ADAMTS17: variants seen among roughly 807,000 people sequenced by gnomAD.
ADAMTS17 encodes the protein ADAM metallopeptidase with thrombospondin type 1 motif 17.
ADAMTS17 carries 113 observed loss-of-function variants against 141.5 expected under a neutral mutation model. That is an observed-to-expected ratio of 0.80 (90% CI 0.69 to 0.93). The LOEUF is 0.93. Ranked by LOEUF, ADAMTS17 falls within the 40% of genes least tolerant of loss-of-function variation. The probability of loss-of-function intolerance (pLI) is 0.00; values close to 1 mark genes in which losing one functional copy is unlikely to be tolerated. For synonymous variants in ADAMTS17, 768 were observed against 630.6 expected, an observed-to-expected ratio of 1.22 and a Z score of -3.27; for missense variants, 1,659 against 1,517.9, an observed-to-expected ratio of 1.09 and a Z score of -1.54.
At chr15:100,020,429 C>G (rs1195907791) in intron 18 of ADAMTS17, among the ~76,000 whole-genome samples, 1 of 152,180 alleles carries the variant, frequency 6.6e-6, no homozygotes. Context: ...ACTGAGCTGG[C>G]TGCCTGGGGC....
At chr15:100,325,305 T>C (rs528293573) in intron 3 of ADAMTS17, among the ~76,000 whole-genome samples, 1 of 152,274 alleles carries the variant, frequency 6.6e-6, no homozygotes, top group Admixed American at 6.5e-5. Flanking sequence ...CCCCAGGACC[T>C]TAGAATGTGG....
intron 2 of ADAMTS17, among the ~76,000 whole-genome samples, chr15:100,335,588 T>C (rs1008140235): frequency 6.6e-6 from 1 of 152,236 alleles, no homozygotes; most frequent in Admixed American, 6.5e-5. Flanking sequence ...AGGTGCGTGA[T>C]AATGATCTGC....
intron 18 of ADAMTS17, among the ~76,000 whole-genome samples, chr15:100,032,152 ACG>A (rs1169016177): frequency 1.4e-4 from 21 of 152,220 alleles, no homozygotes; most frequent in African/African-American, 5.1e-4. Flanking sequence ...TGGGACACAG[ACG>A]CACCTCTCCT....
At chr15:100,242,687 G>A (rs931280634) in intron 7 of ADAMTS17, among the ~76,000 whole-genome samples, 1 of 152,184 alleles carries the variant, frequency 6.6e-6, no homozygotes, top group East Asian at 1.9e-4. Context: ...GAAGGCAGGA[G>A]GAGCTCCTTT....
intron 3 of ADAMTS17, among the ~76,000 whole-genome samples, chr15:100,317,282 T>C (rs59193298): frequency 0.11 from 17,040 of 152,064 alleles, 1,072 homozygotes; most frequent in African/African-American, 0.15. Context: ...TGGAAGACAA[T>C]GGCAAACGTA....
chr15:100,004,889 G>C (rs58226493), intron 18 of ADAMTS17, among the ~76,000 whole-genome samples: 3 of 152,140 alleles, frequency 2.0e-5, no homozygotes, highest in Non-Finnish European at 4.4e-5. Context: ...CCAAAGTGCC[G>C]GGATTATAGA....
chr15:100,210,214 A>G (rs1275627391), intron 7 of ADAMTS17, among the ~76,000 whole-genome samples: 1 of 146,122 alleles, frequency 6.8e-6, no homozygotes, highest in Non-Finnish European at 1.5e-5. Context: ...CTGGGAGACA[A>G]AGCGAGACTC....
chr15:100,157,771 C>T (rs988710298), intron 8 of ADAMTS17, among the ~76,000 whole-genome samples: 2 of 152,274 alleles, frequency 1.3e-5, no homozygotes, highest in Non-Finnish European at 2.9e-5. Context: ...AGTCACCTCT[C>T]GTTAGATTCA....
intron 8 of ADAMTS17, among the ~76,000 whole-genome samples, chr15:100,162,379 T>C (rs985218341): frequency 1.0e-4 from 15 of 147,426 alleles, no homozygotes; most frequent in Admixed American, 8.9e-4. Context: ...ATATATATGT[T>C]ATATATATAA....
At chr15:100,322,797 T>G (rs746224907) in intron 3 of ADAMTS17, among the ~76,000 whole-genome samples, 1 of 152,118 alleles carries the variant, frequency 6.6e-6, no homozygotes, top group East Asian at 1.9e-4. Flanking sequence ...ATACACAGAA[T>G]TATAAATTGG....
At chr15:100,062,575 C>T (rs867632248) in intron 15 of ADAMTS17, among the ~76,000 whole-genome samples, 30 of 152,200 alleles carry the variant, frequency 2.0e-4, no homozygotes, top group South Asian at 1.2e-3. Flanking sequence ...AGAAAGACTC[C>T]GACTTTTGCA....
chr15:100,114,234 C>T (rs549666476), intron 13 of ADAMTS17, among the ~76,000 whole-genome samples: 15 of 150,832 alleles, frequency 9.9e-5, no homozygotes, highest in Non-Finnish European at 1.8e-4. Context: ...TTGAACTGTG[C>T]GTCACTCGCC....
intron 6 of ADAMTS17, among the ~76,000 whole-genome samples, chr15:100,260,445 C>G (rs965470734): frequency 2.6e-5 from 4 of 151,882 alleles, no homozygotes; most frequent in Non-Finnish European, 2.9e-5. Flanking sequence ...GAAACCCCAT[C>G]TCTACTAAAA....
chr15:100,108,049 G>A (rs2036515314), intron 14 of ADAMTS17, among the ~76,000 whole-genome samples: 1 of 152,162 alleles, frequency 6.6e-6, no homozygotes, highest in Admixed American at 6.5e-5. Context: ...ATGGGAGCAT[G>A]GAGTCACCTC....
At chr15:100,099,269 C>T (rs2035952061) in intron 14 of ADAMTS17, among the ~76,000 whole-genome samples, 2 of 152,172 alleles carry the variant, frequency 1.3e-5, no homozygotes, top group Non-Finnish European at 2.9e-5. Flanking sequence ...CAGGGCTGTC[C>T]ATGTCTGAAC....
chr15:100,233,998 G>A (rs1352720143), intron 7 of ADAMTS17, among the ~76,000 whole-genome samples: 1 of 152,138 alleles, frequency 6.6e-6, no homozygotes, highest in Non-Finnish European at 1.5e-5. Context: ...GAACCCACAG[G>A]ATCTGGTTTG....
At chr15:100,161,829 T>G (rs111645635) in intron 8 of ADAMTS17, among the ~76,000 whole-genome samples, 1,547 of 152,270 alleles carry the variant, frequency 0.01, 32 homozygotes, top group African/African-American at 0.034. Context: ...AATAACCCCC[T>G]TTACGGAGAA....
chr15:100,067,137 CTTTCT>C (rs1190403518), intron 15 of ADAMTS17, among the ~76,000 whole-genome samples: 12 of 152,160 alleles, frequency 7.9e-5, no homozygotes, highest in Non-Finnish European at 1.5e-4. Flanking sequence ...AGTGTCGTTC[CTTTCT>C]AAGTGGCCCA....
At chr15:99,999,550 G>A (rs752043871) in intron 18 of ADAMTS17, among the ~76,000 whole-genome samples, 5 of 152,256 alleles carry the variant, frequency 3.3e-5, no homozygotes, top group Admixed American at 1.3e-4. Context: ...GAAGGGGAGA[G>A]CGAGGGGAAA....
Sources: allele counts gnomAD v4.1 joint callset (sites outside exome capture counted in the v4.1 genomes callset), GRCh38; gene constraint gnomAD v4.1.1; transcripts MANE v1.5; gene names NCBI Gene and HGNC (gene_info 2026-07-23, HGNC 2026-07-21).